The following SGCZ variants were observed in gnomAD, a reference collection of about 807,000 sequenced individuals.
SGCZ encodes zeta-sarcoglycan.
In SGCZ, 40 loss-of-function variants were observed where a neutral mutation model predicts 41.3. The ratio of observed to expected loss-of-function variants is 0.97; its 90% CI spans 0.75 to 1.26. The LOEUF (loss-of-function observed/expected upper bound fraction) is 1.26, where lower values mean the gene tolerates loss of function less well. Among genes scored for constraint, SGCZ ranks in the 50% most tolerant of loss-of-function variants. The probability of loss-of-function intolerance (pLI) is 0.00; values close to 1 mark genes in which losing one functional copy is unlikely to be tolerated. For synonymous variants in SGCZ, 206 were observed against 137.5 expected (o/e 1.50, Z -3.49); for missense variants, 552 against 369.8 (o/e 1.49, Z -4.04).
intron 1 of SGCZ, among the ~76,000 whole-genome samples, chr8:14,801,562 T>C (rs948093855): frequency 2.6e-5 from 4 of 152,058 alleles, no homozygotes; most frequent in Non-Finnish European, 4.4e-5. Flanking sequence ...AAAGAACAGA[T>C]CGTAAAGTAA....
At chr8:14,669,464 A>G (rs1196054975) in intron 1 of SGCZ, among the ~76,000 whole-genome samples, 2 of 152,074 alleles carry the variant, frequency 1.3e-5, no homozygotes, top group Admixed American at 6.6e-5. Flanking sequence ...TCCTTTGACC[A>G]GTATCTACCC....
chr8:15,221,837 T>A (rs1368983707), intron 1 of SGCZ, among the ~76,000 whole-genome samples: 3 of 152,200 alleles, frequency 2.0e-5, no homozygotes, highest in Admixed American at 2.0e-4. Context: ...TTTCGTTTTG[T>A]TCAGAAGTTA....
intron 1 of SGCZ, among the ~76,000 whole-genome samples, chr8:15,148,750 T>C (rs1417281503): frequency 6.6e-6 from 1 of 152,210 alleles, no homozygotes; most frequent in African/African-American, 2.4e-5. Flanking sequence ...TATAACTGAA[T>C]TTCAGACACA....
chr8:14,866,235 C>T (rs1803925354), intron 1 of SGCZ, among the ~76,000 whole-genome samples: 3 of 151,826 alleles, frequency 2.0e-5, no homozygotes, highest in Admixed American at 6.6e-5. Context: ...CTTGTTCTTC[C>T]GTCTAAGTGA....
At chr8:15,005,322 CTT>C (rs1491143870) in intron 1 of SGCZ, among the ~76,000 whole-genome samples, 1 of 116,280 alleles carries the variant, frequency 8.6e-6, no homozygotes, top group African/African-American at 3.7e-5. Flanking sequence ...CCGTTTTTTT[CTT>C]TTTCTTTTTT....
intron 2 of SGCZ, among the ~76,000 whole-genome samples, chr8:14,344,428 T>C (rs1802820474): frequency 1.3e-5 from 2 of 150,734 alleles, no homozygotes; most frequent in Admixed American, 1.3e-4. Flanking sequence ...CTGAAAAAAA[T>C]ACATTAACTA....
intron 1 of SGCZ, among the ~76,000 whole-genome samples, chr8:14,795,550 G>C (rs745512084): frequency 6.6e-6 from 1 of 151,992 alleles, no homozygotes; most frequent in African/African-American, 2.4e-5. Flanking sequence ...ACAAGGAAGC[G>C]TTCCACCTCA....
At chr8:14,656,882 T>G (rs1807595199) in intron 1 of SGCZ, among the ~76,000 whole-genome samples, 1 of 151,950 alleles carries the variant, frequency 6.6e-6, no homozygotes, top group Non-Finnish European at 1.5e-5. Flanking sequence ...ACCCTACAGA[T>G]AAGTATTAAA....
chr8:14,231,298 T>C (rs1806563585), intron 4 of SGCZ, among the ~76,000 whole-genome samples: 1 of 151,404 alleles, frequency 6.6e-6, no homozygotes. Context: ...TGTGTCTGTC[T>C]TGAATGTTGG....
chr8:14,778,531 A>C (rs1232659101), intron 1 of SGCZ, among the ~76,000 whole-genome samples: 3 of 152,156 alleles, frequency 2.0e-5, no homozygotes, highest in Non-Finnish European at 4.4e-5. Context: ...CTTAAAAAAA[A>C]ACAGAAAAGA....
intron 2 of SGCZ, among the ~76,000 whole-genome samples, chr8:14,518,630 T>A (rs1359901181): frequency 6.6e-6 from 1 of 152,244 alleles, no homozygotes; most frequent in African/African-American, 2.4e-5. Flanking sequence ...TTTTCTTTCA[T>A]TGACTTACTT....
chr8:15,162,908 A>G (rs1799555888), intron 1 of SGCZ, among the ~76,000 whole-genome samples: 1 of 152,230 alleles, frequency 6.6e-6, no homozygotes, highest in Admixed American at 6.5e-5. Context: ...AATAACTGAG[A>G]TAGGGAAAAT....
At chr8:14,295,761 A>C (rs1800988731) in intron 3 of SGCZ, among the ~76,000 whole-genome samples, 1 of 152,196 alleles carries the variant, frequency 6.6e-6, no homozygotes, top group African/African-American at 2.4e-5. Context: ...TGAACGCCAA[A>C]CACAGAGCAA....
At chr8:14,153,707 T>G (rs1167054851) in intron 5 of SGCZ, among the ~76,000 whole-genome samples, 1 of 152,036 alleles carries the variant, frequency 6.6e-6, no homozygotes, top group South Asian at 2.1e-4. Context: ...AAGGACCACA[T>G]AGCCATTGAT....
At chr8:14,152,270 G>A (rs1021689595) in intron 5 of SGCZ, among the ~76,000 whole-genome samples, 1 of 152,074 alleles carries the variant, frequency 6.6e-6, no homozygotes, top group Non-Finnish European at 1.5e-5. Flanking sequence ...TAGCAAATGG[G>A]CAAAAGATGT....
At chr8:14,591,434 T>C (rs573060156) in intron 1 of SGCZ, among the ~76,000 whole-genome samples, 1 of 152,176 alleles carries the variant, frequency 6.6e-6, no homozygotes, top group African/African-American at 2.4e-5. Flanking sequence ...TTGCTAATAG[T>C]TGAGTTATAA....
At chr8:14,117,544 C>T (rs1387805791) in intron 5 of SGCZ, among the ~76,000 whole-genome samples, 2 of 150,180 alleles carry the variant, frequency 1.3e-5, no homozygotes, top group South Asian at 2.1e-4. Flanking sequence ...CTTGTAAATA[C>T]CTTTCCAGAG....
chr8:14,497,811 C>T (rs1585596041), intron 2 of SGCZ, among the ~76,000 whole-genome samples: 1 of 152,052 alleles, frequency 6.6e-6, no homozygotes, highest in Non-Finnish European at 1.5e-5. Flanking sequence ...GGAGGGGACA[C>T]ACATTCAAAC....
intron 1 of SGCZ, among the ~76,000 whole-genome samples, chr8:14,803,645 C>A: frequency 6.6e-6 from 1 of 152,000 alleles, no homozygotes; most frequent in Non-Finnish European, 1.5e-5. Context: ...GGCAGTGAGG[C>A]TGGGGGAGGG....
Sources: allele counts gnomAD v4.1 joint callset (sites outside exome capture counted in the v4.1 genomes callset), GRCh38; gene constraint gnomAD v4.1.1; transcripts MANE v1.5; gene names NCBI Gene and HGNC (gene_info 2026-07-23, HGNC 2026-07-21).